COPE: variants seen among roughly 807,000 people sequenced by gnomAD.
COPE encodes the protein coatomer subunit epsilon.
In COPE, 19 loss-of-function variants were observed where a neutral mutation model predicts 42.1. The ratio of observed to expected loss-of-function variants is 0.45; its 90% CI spans 0.31 to 0.66. The LOEUF (loss-of-function observed/expected upper bound fraction) is 0.66. Ranked by LOEUF, COPE falls within the 30% of genes least tolerant of loss-of-function variation. The probability of loss-of-function intolerance (pLI) is 0.05; values close to 1 mark genes in which losing one functional copy is unlikely to be tolerated. For synonymous variants in COPE, 195 were observed against 181.3 expected (o/e 1.08, Z -0.60); for missense variants, 402 against 416.1 (o/e 0.97, Z 0.30).
In COPE at chr19:18,907,508, C is replaced by T. The variant is rs147207473; in HGVS notation, c.291-396G>A. ...GAGGTCGGCCTGGGTGCCGAGGGGC[C>T]GTGCAGAAGGATGGGAGCCCTGGGG... On this transcript the variant is annotated intron_variant, in intron 3 of 9. Transcript: ENST00000262812. Among the ~76,000 whole-genome samples, 251 of 152,288 alleles carry T rather than the reference C, an allele frequency of 1.6e-3. 2 individuals are homozygous for T. In the South Asian group the frequency reaches 0.018, roughly 11 times the overall value.
In COPE at chr19:18,905,561, G is replaced by A. The variant is rs2056750491; in HGVS notation, c.497+15C>T. Reference sequence around the variant, plus strand: ...CTGTGGCTCAGTGCGGGTGGAGAGGGGCAGGAGGGCTCACCGGGCGAGGTC... The same window carrying A: ...CTGTGGCTCAGTGCGGGTGGAGAGGAGCAGGAGGGCTCACCGGGCGAGGTC... On this transcript the variant is annotated intron_variant, in intron 5 of 9. Coordinates refer to ENST00000262812, the MANE Select transcript of COPE (RefSeq NM_007263.4). 1.9e-6 allele frequency: 3 copies of A among 1,585,928 alleles called. No individual in the cohort carries two copies. The highest frequency in any genetic ancestry group is 2.3e-5 in the East Asian group (1 of 43,954).
rs374557428 is a variant in COPE, at chr19:18,917,114, C to T, written c.126+2109G>A. Among the ~76,000 whole-genome samples, 159 of 151,840 alleles carry T rather than the reference C, an allele frequency of 1.0e-3. 6 individuals carry two copies. In the South Asian group the frequency reaches 0.031, roughly 29 times the overall value. On this transcript the variant is annotated intron_variant, in intron 1 of 9. Coordinates refer to ENST00000262812, the MANE Select transcript of COPE (RefSeq NM_007263.4). ...GACTGTTACATTCCTCAGTTTGTAGCCACATTACTCCCATCTCTGCTTCCA... is the reference window on the plus strand; with the variant it reads ...GACTGTTACATTCCTCAGTTTGTAGTCACATTACTCCCATCTCTGCTTCCA...
chr19:18,908,417 A>G (rs1314477268), intron 3 of COPE, among the ~76,000 whole-genome samples: 1 of 151,470 alleles, frequency 6.6e-6, no homozygotes, highest in Non-Finnish European at 1.5e-5. Flanking sequence ...ACAGAGGGAG[A>G]CCATCTCAAA....
chr19:18,913,101 A>C, intron 1 of COPE, 55 bp from the exon 2 acceptor site: 8 of 1,497,204 alleles, frequency 5.3e-6, no homozygotes, highest in Non-Finnish European at 6.5e-6. Flanking sequence ...CGCAGCCCAC[A>C]CAGGGTGAGC....
At position 18,899,915 on chromosome 19, in the gene COPE, A is replaced by T. The variant is rs1477363099; in HGVS notation, c.837T>A (p.Asp279Glu). The change falls in exon 9 of 10, where the codon GAT becomes GAA. Residue 279 changes from aspartate (D) to glutamate (E), a missense_variant. Transcript: ENST00000262812. ...TGATGAAGGGATGGGACCTGTGGGCATCCTTCAGCTGGGACAGGTATCGGT... is the reference window on the plus strand; with the variant it reads ...TGATGAAGGGATGGGACCTGTGGGCTTCCTTCAGCTGGGACAGGTATCGGT... ...VTNRYLSQLKDAHRSHPFIKE... is the reference protein window; with the variant it reads ...VTNRYLSQLKEAHRSHPFIKE... 1 of 1,613,626 alleles carries T rather than the reference A, an allele frequency of 6.2e-7. No homozygotes were observed. The highest frequency in any genetic ancestry group is 8.5e-7 in the Non-Finnish European group (1 of 1,179,828).
Position 18,899,714 on chromosome 19 carries a change from C to G in COPE, c.892G>C (p.Asp298His), listed in dbSNP as rs769379786. ...GGAGCGTACTGTAGCACCAGCCTGT[C>G]AAAGTCGTTCTCCTTTAGCAAGACA... is the stretch of plus-strand genomic sequence containing the variant. ...KEYQAKENDFDRLVLQYAPSA is the reference protein window; with the variant it reads ...KEYQAKENDFHRLVLQYAPSA The change falls in exon 10 of 10, where the codon GAC (aspartate) becomes CAC (histidine). Residue 298 changes from aspartate (D) to histidine (H), a missense_variant. Asp to His is a moderately conservative substitution (Grantham distance 81, BLOSUM62 -1). Transcript: ENST00000262812. 5 of 1,613,654 alleles carry G rather than the reference C, an allele frequency of 3.1e-6. No individual in the cohort carries two copies. The African/African-American group carries it at 5.3e-5, about 17-fold the overall frequency.
chr19:18,914,187 G>A (rs1017133990), intron 1 of COPE, among the ~76,000 whole-genome samples: 20 of 152,144 alleles, frequency 1.3e-4, no homozygotes, highest in African/African-American at 4.3e-4. Context: ...TGCAGAAATC[G>A]AGCCCCACCT....
At chr19:18,906,629 G>C (rs1214553881) in intron 4 of COPE, 1 of 232,390 alleles carries the variant, frequency 4.3e-6, no homozygotes, top group Non-Finnish European at 8.4e-6. Context: ...GGAGGCCTGA[G>C]AGACTGGGCC....
chr19:18,906,002 CCTGCAG>C (rs1027092048), intron 4 of COPE: 6 of 431,740 alleles, frequency 1.4e-5, no homozygotes, highest in Non-Finnish European at 2.5e-5. Context: ...TGCACCTGCA[CCTGCAG>C]CAGAGCCCTG....
At chr19:18,901,902 T>A (rs2056702045) in intron 7 of COPE, among the ~76,000 whole-genome samples, 1 of 152,170 alleles carries the variant, frequency 6.6e-6, no homozygotes, top group Non-Finnish European at 1.5e-5. Flanking sequence ...TAATCCAGGC[T>A]GGGCACAGTG....
chr19:18,911,484 T>C (rs1024458850), intron 2 of COPE: 1 of 199,006 alleles, frequency 5.0e-6, no homozygotes, highest in Non-Finnish European at 1.1e-5. Context: ...ATGCCCAGAC[T>C]GATACCACTG....
chr19:18,899,685 G>A lies in COPE; in HGVS notation c.921C>T (p.Ser307=), dbSNP rs149854108. The A allele has an allele frequency of 3.2e-5, 52 of 1,613,516 alleles. No individual in the cohort carries two copies. The African/African-American group carries it at 4.1e-4, about 13-fold the overall frequency. The change falls in exon 10 of 10, where the codon AGC becomes AGT. Residue 307 remains serine, a synonymous_variant. Transcript: ENST00000262812. Reference sequence around the variant, plus strand: ...TGACAGCTCTGGGCCAGCCTCAGGCGCTGGGAGCGTACTGTAGCACCAGCC... The same window carrying A: ...TGACAGCTCTGGGCCAGCCTCAGGCACTGGGAGCGTACTGTAGCACCAGCC... ...FDRLVLQYAP[S]A
chr19:18,906,051 C>T (rs543453053), intron 4 of COPE: 59 of 406,414 alleles, frequency 1.5e-4, no homozygotes, highest in African/African-American at 1.1e-3. Context: ...CCCCTCGTCC[C>T]CTCATCCCTC....
Position 18,900,457 on chromosome 19 carries a change from C to T in COPE, c.736-8G>A. 1.3e-6 allele frequency: 2 copies of T among 1,545,256 alleles called. No individual in the cohort carries two copies. The highest frequency in any genetic ancestry group is 1.7e-6 in the Non-Finnish European group (2 of 1,143,510). ...CTCTGGGTAGCCACTATCCTGGAGA[C>T]ACAGGCAGACACGGGGAGGCAGGGT... On this transcript the variant is annotated splice_region_variant and splice_polypyrimidine_tract_variant and intron_variant, in intron 7 of 9. Transcript: ENST00000262812.
rs370664978 is a variant in COPE at position 18,904,838 on chromosome 19, C to A, written c.512G>T (p.Arg171Ile). 4.4e-5 allele frequency: 68 copies of A among 1,554,842 alleles called. No individual in the cohort carries two copies. Among genetic ancestry groups the A allele is most frequent in the Middle Eastern group, 1.7e-4 (1 of 5,994 alleles). ...GGCATCCTCGTCCAGGTCCTGCATT[C>A]TCTTCAGCTCCTTCCTGGGGCGGGG... ...RLDLARKELK[R>I]MQDLDEDATL... is the part of the protein sequence containing the mutation. Residue 171 changes from arginine (R) to isoleucine (I), a missense_variant, in exon 6 of 10, where the codon AGA (arginine) becomes ATA (isoleucine). Arg to Ile is a moderately conservative substitution (Grantham distance 97). Transcript: ENST00000262812.
intron 7 of COPE, among the ~76,000 whole-genome samples, chr19:18,902,090 G>C (rs2056704327): frequency 6.8e-6 from 1 of 147,500 alleles, no homozygotes; most frequent in African/African-American, 2.5e-5. Flanking sequence ...TGAGGCAGGA[G>C]AATGGCATGA....
At chr19:18,916,387 C>T (rs2056854092) in intron 1 of COPE, among the ~76,000 whole-genome samples, 1 of 151,458 alleles carries the variant, frequency 6.6e-6, no homozygotes, top group African/African-American at 2.4e-5. Context: ...GGCGTGGTGG[C>T]TCACACCTGT....
At position 18,911,483 on chromosome 19, in the gene COPE, C is replaced by T. The variant is rs574468855; in HGVS notation, c.190-412G>A. Reference sequence around the variant, plus strand: ...TACTGGCCCTCTGAGGATGCCCAGACTGATACCACTGTCACATCTGCAGCT... The same window carrying T: ...TACTGGCCCTCTGAGGATGCCCAGATTGATACCACTGTCACATCTGCAGCT... On this transcript the variant is annotated intron_variant, in intron 2 of 9. Transcript: ENST00000262812. 1.5e-5 allele frequency: 3 copies of T among 200,772 alleles called. No homozygotes were observed. The South Asian group carries it at 2.9e-4, about 19-fold the overall frequency. 12.4% of individuals were successfully genotyped at this position (200,772 alleles called of 1,614,324 possible).
rs1318029942 is a variant in COPE at position 18,900,365 on chromosome 19, C to G, written c.804+16G>C. On this transcript the variant is annotated intron_variant, in intron 8 of 9. Transcript: ENST00000262812. ...CTGGACATTAGGGTTGGCCTGGAGC[C>G]CTGGGGGCCGCTTACCTCAGGGGGC... 6.5e-7 allele frequency: 1 copy of G among 1,545,796 alleles called. No individual in the cohort carries two copies. Among genetic ancestry groups the G allele is most frequent in the East Asian group, 2.5e-5 (1 of 40,814 alleles).
Sources: gnomAD v4.1 joint callset for allele counts (sites outside exome capture counted in the v4.1 genomes callset) on GRCh38, gnomAD v4.1.1 for gene constraint, MANE v1.5 for transcripts, NCBI Gene and HGNC (gene_info 2026-07-23, HGNC 2026-07-21) for gene names.